The following ZDHHC7 variants were observed in gnomAD, a reference collection of about 807,000 sequenced individuals.
The protein encoded by ZDHHC7 is zDHHC palmitoyltransferase 7.
In ZDHHC7, 12 loss-of-function variants were observed where a neutral mutation model predicts 34.1. The observed-to-expected ratio is 0.35, with a 90% confidence interval of 0.23 to 0.57. ZDHHC7 has a LOEUF of 0.57. Ranked by LOEUF, ZDHHC7 falls within the 20% of genes least tolerant of loss-of-function variation. The pLI is 0.84. For synonymous variants in ZDHHC7, 185 were observed against 155.4 expected, an observed-to-expected ratio of 1.19 and a Z score of -1.42; for missense variants, 388 against 402.7, an observed-to-expected ratio of 0.96 and a Z score of 0.31.
chr16:85,012,659 T>C (rs1343764933), upstream of ZDHHC7, among the ~76,000 whole-genome samples: 8 of 151,760 alleles, frequency 5.3e-5, no homozygotes, highest in African/African-American at 1.9e-4. Context: ...ATCCCAGCAC[T>C]TGTAGGAGGC....
intron 4 of ZDHHC7, among the ~76,000 whole-genome samples, chr16:84,979,948 C>CTT (rs1567492505): frequency 7.4e-6 from 1 of 135,136 alleles, no homozygotes; most frequent in Admixed American, 8.5e-5. Flanking sequence ...CATAGCGTCA[C>CTT]CTTTTTTTTT....
At chr16:85,023,747 T>C in the ZDHHC7 span, among the ~76,000 whole-genome samples, 1 of 152,086 alleles carries the variant, frequency 6.6e-6, no homozygotes, top group Non-Finnish European at 1.5e-5. Context: ...GGCTTCCAAG[T>C]AGCCAGGACT....
chr16:84,984,529 G>T (rs1034521037), intron 3 of ZDHHC7, among the ~76,000 whole-genome samples: 6 of 152,088 alleles, frequency 3.9e-5, no homozygotes, highest in Admixed American at 6.6e-5. Context: ...AATATGATAC[G>T]ATGTGGCACG....
chr16:84,995,495 G>A (rs777000229), intron 2 of ZDHHC7, among the ~76,000 whole-genome samples: 9 of 152,098 alleles, frequency 5.9e-5, no homozygotes, highest in African/African-American at 1.7e-4. Context: ...GCATGATGGC[G>A]GGTGCCTGTA....
intron 3 of ZDHHC7, among the ~76,000 whole-genome samples, chr16:84,989,139 T>G (rs932584609): frequency 1.1e-4 from 17 of 152,178 alleles, no homozygotes; most frequent in African/African-American, 4.1e-4. Flanking sequence ...GGTCAAAGAC[T>G]CCACCATCAG....
chr16:84,998,105 TAA>T (rs11439965), intron 1 of ZDHHC7, among the ~76,000 whole-genome samples: 1 of 134,444 alleles, frequency 7.4e-6, no homozygotes, highest in African/African-American at 2.7e-5. Flanking sequence ...CTACTAAAAA[TAA>T]AAAAAAATTA....
In ZDHHC7 at chr16:84,985,952, C is replaced by CAAAAAAA. The variant is rs58315276; in HGVS notation, c.316-3965_316-3959dup. 4.4e-4 allele frequency among the ~76,000 whole-genome samples: 24 copies of CAAAAAAA among 54,022 alleles called. 1 individual carries two copies. The highest frequency in any genetic ancestry group is 1.2e-3 in the African/African-American group (17 of 14,230). The allele number at this position is 54,022 out of a possible 152,430, so 35.4% of individuals were successfully genotyped here. On this transcript the variant is annotated intron_variant, in intron 3 of 7. Transcript: ENST00000313732. ...CCTGGGCAACAGAGTGAGACTGTCTCAAAAAAAAAAAAAAAAAAAAAAAAG... is the reference window on the plus strand; with the variant it reads ...CCTGGGCAACAGAGTGAGACTGTCTCAAAAAAAAAAAAAAAAAAAAAAAAAAAAAAAG...
At chr16:85,014,982 G>A (rs1326909404), upstream of ZDHHC7, among the ~76,000 whole-genome samples, 1 of 152,134 alleles carries the variant, frequency 6.6e-6, no homozygotes, top group African/African-American at 2.4e-5. Context: ...CAATTAGTTG[G>A]CAGAGTTATT....
chr16:85,000,959 G>A (rs2072644760), intron 1 of ZDHHC7, among the ~76,000 whole-genome samples: 2 of 152,148 alleles, frequency 1.3e-5, no homozygotes, highest in Admixed American at 1.3e-4. Context: ...AGACAGCATG[G>A]GTGGGCCCCA....
At position 84,997,694 on chromosome 16, in the gene ZDHHC7, A is replaced by T. The variant is rs541385562; in HGVS notation, c.-103-1687T>A. The stretch of plus-strand genomic sequence containing the variant: ...CGGATCACAAGGTCAGGAGATCGAG[A>T]CCATCCTGGCTAAAACAGTGAAACC... On this transcript the variant is annotated intron_variant, in intron 1 of 7. Transcript: ENST00000313732. Among the ~76,000 whole-genome samples, 995 of 150,488 alleles carry T rather than the reference A, an allele frequency of 6.6e-3. 6 individuals are homozygous for T. Among genetic ancestry groups the T allele is most frequent in the Non-Finnish European group, 0.012 (832 of 67,590 alleles).
chr16:85,012,380 CAAA>C (rs34555910), upstream of ZDHHC7, among the ~76,000 whole-genome samples: 1 of 116,622 alleles, frequency 8.6e-6, no homozygotes, highest in Non-Finnish European at 1.8e-5. Context: ...TGAACAGTCT[CAAA>C]AAAAAAAAAA....
the ZDHHC7 span, among the ~76,000 whole-genome samples, chr16:85,020,244 T>G: frequency 2.0e-5 from 3 of 152,214 alleles, no homozygotes; most frequent in African/African-American, 4.8e-5. Flanking sequence ...CAGGCTACAA[T>G]AACCCAGTCC....
chr16:84,989,803 G>A (rs1352320093), intron 3 of ZDHHC7, among the ~76,000 whole-genome samples: 1 of 152,008 alleles, frequency 6.6e-6, no homozygotes, highest in Non-Finnish European at 1.5e-5. Flanking sequence ...GACAAATTGG[G>A]AGTCCCTATA....
chr16:85,012,923 A>C (rs997022398), upstream of ZDHHC7, among the ~76,000 whole-genome samples: 3 of 152,032 alleles, frequency 2.0e-5, 1 homozygote, highest in African/African-American at 7.3e-5. Context: ...AAGAAAAAGA[A>C]AAAACCAGAA....
At chr16:84,983,577 C>T (rs776153462) in intron 3 of ZDHHC7, among the ~76,000 whole-genome samples, 5 of 152,276 alleles carry the variant, frequency 3.3e-5, no homozygotes, top group African/African-American at 7.2e-5. Context: ...AACAAGGCCC[C>T]GTCAGTCCCA....
intron 1 of ZDHHC7, among the ~76,000 whole-genome samples, chr16:85,007,590 C>G (rs1412587100): frequency 2.0e-5 from 3 of 151,792 alleles, no homozygotes; most frequent in Admixed American, 2.0e-4. Context: ...CCATAACAAG[C>G]AGACCAAAGC....
rs1293006133 is a variant in ZDHHC7 at position 84,990,619 on chromosome 16, G to C, written c.-1C>G. 2 of 1,612,414 alleles carry C rather than the reference G, an allele frequency of 1.2e-6. No individual in the cohort carries two copies. The highest frequency in any genetic ancestry group is 2.2e-5 in the East Asian group (1 of 44,858). ...GGAGCCTGTGTCCTGATGGCTGCATGATTTCCCTGACGCACCCTGGGGAGG... is the reference window on the plus strand; with the variant it reads ...GGAGCCTGTGTCCTGATGGCTGCATCATTTCCCTGACGCACCCTGGGGAGG... On this transcript the variant is annotated 5_prime_UTR_variant, in exon 3 of 8. The change creates a new upstream start codon in the 5' untranslated region. Coordinates refer to ENST00000313732, the MANE Select transcript of ZDHHC7 (RefSeq NM_017740.3).
At chr16:84,996,465 A>C (rs1597552495) in intron 1 of ZDHHC7, among the ~76,000 whole-genome samples, 1 of 152,102 alleles carries the variant, frequency 6.6e-6, no homozygotes, top group Non-Finnish European at 1.5e-5. Flanking sequence ...GAAGGAAGAC[A>C]GTGGAACCCA....
At chr16:84,980,262 C>A (rs1027393405) in intron 4 of ZDHHC7, among the ~76,000 whole-genome samples, 3 of 150,504 alleles carry the variant, frequency 2.0e-5, no homozygotes, top group Non-Finnish European at 4.4e-5. Flanking sequence ...ACCGCACCCG[C>A]CCATAGCGTC....
Sources: allele counts gnomAD v4.1 joint callset (sites outside exome capture counted in the v4.1 genomes callset), GRCh38; gene constraint gnomAD v4.1.1; transcripts MANE v1.5; gene names NCBI Gene and HGNC (gene_info 2026-07-23, HGNC 2026-07-21).